PEAK1: variants seen among roughly 807,000 people sequenced by gnomAD.
The protein encoded by PEAK1 is inactive tyrosine-protein kinase PEAK1.
PEAK1 carries 54 observed loss-of-function variants against 124.7 expected under a neutral mutation model. The ratio of observed to expected loss-of-function variants is 0.43; its 90% confidence interval spans 0.35 to 0.54. The LOEUF is 0.54. Among genes scored for constraint, PEAK1 ranks in the 20% least tolerant of loss-of-function variants. The pLI is 0.01. For missense variants in PEAK1, 2,046 were observed against 2,134.5 expected, an observed-to-expected ratio of 0.96 and a Z score of 0.82; for synonymous variants, 719 against 760.0, an observed-to-expected ratio of 0.95 and a Z score of 0.89.
intron 5 of PEAK1, among the ~76,000 whole-genome samples, chr15:77,282,379 C>T (rs777862920): frequency 2.0e-5 from 3 of 152,146 alleles, no homozygotes; most frequent in South Asian, 4.1e-4. Context: ...TTAATGCTAA[C>T]GAATTTGTCA....
rs74025110 is a variant in PEAK1, at chr15:77,356,256, T to C, written c.-603+8907A>G. Among the ~76,000 whole-genome samples, 521 of 152,316 alleles carry C rather than the reference T, an allele frequency of 3.4e-3. 3 individuals carry two copies. Among genetic ancestry groups the C allele is most frequent in the African/African-American group, 0.012 (494 of 41,560 alleles). ...TATTTAAGAGCTGAGTATTTTATCA[T>C]AAAATTGAAATTTATACCTCAACTT... On this transcript the variant is annotated intron_variant, in intron 2 of 9. Transcript: ENST00000682557.
intron 6 of PEAK1, chr15:77,239,854 C>T: frequency 1.0e-6 from 1 of 985,038 alleles, no homozygotes; most frequent in Non-Finnish European, 1.2e-6. Context: ...CACACAACTG[C>T]TCAATTCCAC....
intron 5 of PEAK1, among the ~76,000 whole-genome samples, chr15:77,263,907 C>T (rs1055899027): frequency 6.6e-6 from 1 of 152,140 alleles, no homozygotes; most frequent in African/African-American, 2.4e-5. Context: ...AGCTTATCTA[C>T]CATGATCAAG....
intron 2 of PEAK1, among the ~76,000 whole-genome samples, chr15:77,299,418 C>T (rs1283070183): frequency 2.0e-5 from 3 of 152,146 alleles, no homozygotes; most frequent in African/African-American, 7.2e-5. Flanking sequence ...TAAAAATATT[C>T]TCCCAAATAA....
At chr15:77,255,265 T>G in intron 5 of PEAK1, 1 of 676,220 alleles carries the variant, frequency 1.5e-6, no homozygotes, top group Non-Finnish European at 1.8e-6. Flanking sequence ...TTTATTCCTG[T>G]GTAATAACAA....
intron 7 of PEAK1, among the ~76,000 whole-genome samples, chr15:77,170,050 C>T (rs910782617): frequency 6.6e-5 from 10 of 151,946 alleles, no homozygotes; most frequent in Middle Eastern, 3.2e-3. Flanking sequence ...TTTTGATACC[C>T]GATGATGTTT....
At chr15:77,256,543 C>T (rs1345312002) in intron 5 of PEAK1, among the ~76,000 whole-genome samples, 1 of 151,558 alleles carries the variant, frequency 6.6e-6, no homozygotes, top group African/African-American at 2.4e-5. Context: ...CTGCCACCTG[C>T]TTATATATGG....
At chr15:77,131,296 C>T (rs2052835766) in intron 9 of PEAK1, among the ~76,000 whole-genome samples, 2 of 151,942 alleles carry the variant, frequency 1.3e-5, no homozygotes, top group African/African-American at 2.4e-5. Flanking sequence ...GAGATTGAGA[C>T]CATCTGGCCA....
At chr15:77,165,225 T>C (rs147047432) in intron 7 of PEAK1, among the ~76,000 whole-genome samples, 2,177 of 146,842 alleles carry the variant, frequency 0.015, 55 homozygotes, top group African/African-American at 0.052. Context: ...TTTGAGACAG[T>C]GCTCTGTGGC....
intron 2 of PEAK1, among the ~76,000 whole-genome samples, chr15:77,293,978 T>C (rs983915397): frequency 6.6e-6 from 1 of 152,246 alleles, no homozygotes; most frequent in Non-Finnish European, 1.5e-5. Context: ...AGTGTGTTGA[T>C]TTGTTGCTTC....
Position 77,118,263 on chromosome 15 carries a change from A to G in PEAK1, c.4078-2944T>C, listed in dbSNP as rs116482451. Among the ~76,000 whole-genome samples, 1,124 of 152,310 alleles carry G rather than the reference A, an allele frequency of 7.4e-3. 15 individuals are homozygous for G. The highest frequency in any genetic ancestry group is 0.025 in the African/African-American group (1,058 of 41,562). ...AACCCTGAAAACAGTTACAACCCAA[A>G]CACAGACCAATGGAGATTTCCATAA... On this transcript the variant is annotated intron_variant, in intron 9 of 9. Coordinates refer to ENST00000682557, the MANE Select transcript of PEAK1 (RefSeq NM_001385026.1).
chr15:77,131,089 G>A (rs2052817316), intron 9 of PEAK1, among the ~76,000 whole-genome samples: 1 of 152,194 alleles, frequency 6.6e-6, no homozygotes, highest in Admixed American at 6.5e-5. Context: ...GATGTCAAGA[G>A]TTTAGCTGTC....
chr15:77,363,640 G>A (rs375191590), intron 2 of PEAK1, among the ~76,000 whole-genome samples: 4 of 152,030 alleles, frequency 2.6e-5, no homozygotes, highest in African/African-American at 4.8e-5. Flanking sequence ...ATCCTAATTC[G>A]GTAAGTGATT....
intron 5 of PEAK1, among the ~76,000 whole-genome samples, chr15:77,270,354 T>C (rs963323212): frequency 2.6e-5 from 4 of 152,182 alleles, no homozygotes; most frequent in African/African-American, 7.2e-5. Context: ...TGTTTGCAGA[T>C]GACATGATTG....
chr15:77,395,772 CA>C (rs2070834198), intron 1 of PEAK1, among the ~76,000 whole-genome samples: 2 of 151,982 alleles, frequency 1.3e-5, no homozygotes, highest in South Asian at 4.2e-4. Context: ...AAAAGTCAAA[CA>C]AAAGGGATTT....
intron 5 of PEAK1, among the ~76,000 whole-genome samples, chr15:77,280,634 A>G (rs2062616935): frequency 8.0e-6 from 1 of 124,438 alleles, no homozygotes; most frequent in South Asian, 2.4e-4. Context: ...TTAAATTTTT[A>G]TTATTTTAGA....
rs773150947 is a variant in PEAK1 at position 77,114,138 on chromosome 15, G to A, written c.*18C>T. ...TGAAGAAGGTGAAGATGTAGTAAAA[G>A]CATCATCCAGGTACACATTAACGGT... On this transcript the variant is annotated 3_prime_UTR_variant, in exon 10 of 10. Transcript: ENST00000682557. 1 of 1,605,286 alleles carries A rather than the reference G, an allele frequency of 6.2e-7. No individual in the cohort carries two copies. Among genetic ancestry groups the A allele is most frequent in the South Asian group, 1.1e-5 (1 of 90,562 alleles).
intron 1 of PEAK1, among the ~76,000 whole-genome samples, chr15:77,367,933 T>C (rs1244077423): frequency 6.6e-6 from 1 of 152,204 alleles, no homozygotes; most frequent in African/African-American, 2.4e-5. Flanking sequence ...TGATCACCAT[T>C]GCCAGTGAAT....
At chr15:77,186,378 T>G (rs1219644370) in intron 6 of PEAK1, among the ~76,000 whole-genome samples, 1 of 152,216 alleles carries the variant, frequency 6.6e-6, no homozygotes, top group African/African-American at 2.4e-5. Flanking sequence ...AAAAGTAAGT[T>G]AATTCAGTCA....
Sources: allele counts gnomAD v4.1 joint callset (sites outside exome capture counted in the v4.1 genomes callset), GRCh38; gene constraint gnomAD v4.1.1; transcripts MANE v1.5; gene names NCBI Gene and HGNC (gene_info 2026-07-23, HGNC 2026-07-21).